The following DAB2IP variants were observed in gnomAD, a reference collection of about 807,000 sequenced individuals.
DAB2IP encodes the protein disabled homolog 2-interacting protein.
A neutral mutation model predicts 107.2 loss-of-function variants in DAB2IP; 28 were observed. That is an observed-to-expected ratio of 0.26 (90% CI 0.19 to 0.36). The LOEUF is 0.36. DAB2IP is among the 10% of genes least tolerant of loss of function. DAB2IP has a pLI of 1.00. For missense variants in DAB2IP, 1,400 were observed against 1,644.7 expected (o/e 0.85, Z 2.57); for synonymous variants, 755 against 706.4 (o/e 1.07, Z -1.09).
chr9:121,727,261 G>A (rs546230170), intron 3 of DAB2IP, among the ~76,000 whole-genome samples: 37 of 152,358 alleles, frequency 2.4e-4, no homozygotes, highest in African/African-American at 6.5e-4. Context: ...CACTGCCCGC[G>A]GTGAAGCTGC....
At chr9:121,679,822 G>T (rs1000522814) in intron 2 of DAB2IP, among the ~76,000 whole-genome samples, 1 of 151,904 alleles carries the variant, frequency 6.6e-6, no homozygotes, top group Non-Finnish European at 1.5e-5. Context: ...GCTGCATCTT[G>T]AAGGGTCCGT....
intron 1 of DAB2IP, among the ~76,000 whole-genome samples, chr9:121,645,795 C>T (rs571569511): frequency 3.9e-5 from 6 of 152,260 alleles, no homozygotes; most frequent in East Asian, 1.9e-4. Flanking sequence ...GACAGGCTGT[C>T]GACGTGTACG....
chr9:121,610,145 C>G (rs1831039419), intron 1 of DAB2IP, among the ~76,000 whole-genome samples: 1 of 152,152 alleles, frequency 6.6e-6, no homozygotes. Context: ...CTTGGGGAAG[C>G]TGCTGAGCCA....
At chr9:121,676,645 A>ACACACACTCACACACACACG (rs1224951820) in intron 1 of DAB2IP, among the ~76,000 whole-genome samples, 4 of 151,766 alleles carry the variant, frequency 2.6e-5, no homozygotes, top group Non-Finnish European at 5.9e-5. Context: ...GCACACACAC[A>ACACACACTCACACACACACG]CACACACTCA....
intron 1 of DAB2IP, among the ~76,000 whole-genome samples, chr9:121,653,231 AGTACTCCTTGGAGGGAGTACTAAG>A (rs1268492661): frequency 2.1e-5 from 1 of 47,914 alleles, no homozygotes; most frequent in African/African-American, 5.4e-5. Context: ...CTAAGCCTTT[AGTACTCCTTGGAGGGAGTACTAAG>A]CCTTTAGTAC....
chr9:121,735,801 C>A (rs902673137), intron 3 of DAB2IP, among the ~76,000 whole-genome samples: 2 of 152,190 alleles, frequency 1.3e-5, no homozygotes, highest in African/African-American at 4.8e-5. Context: ...GGCAAAAATA[C>A]CTGGTTGGCT....
At chr9:121,687,553 G>A (rs1223644963) in intron 2 of DAB2IP, among the ~76,000 whole-genome samples, 1 of 152,222 alleles carries the variant, frequency 6.6e-6, no homozygotes, top group Non-Finnish European at 1.5e-5. Flanking sequence ...GTGGTGGTCA[G>A]AGCTTGCACT....
chr9:121,621,002 C>T (rs1422072821), intron 1 of DAB2IP, among the ~76,000 whole-genome samples: 5 of 152,208 alleles, frequency 3.3e-5, no homozygotes, highest in Middle Eastern at 3.2e-3. Context: ...CCTGCTCCCC[C>T]AGGTCCCAAC....
At chr9:121,696,016 G>A (rs1190471291) in intron 2 of DAB2IP, among the ~76,000 whole-genome samples, 1 of 151,932 alleles carries the variant, frequency 6.6e-6, no homozygotes, top group East Asian at 1.9e-4. Flanking sequence ...TTACAGGCTC[G>A]TGCCACCACG....
Position 121,782,706 on chromosome 9 carries a change from C to T in DAB2IP, c.*208C>T, listed in dbSNP as rs1588027324. 2.1e-6 allele frequency: 3 copies of T among 1,416,718 alleles called. No individual in the cohort carries two copies. The highest frequency in any genetic ancestry group is 5.1e-5 in the East Asian group (2 of 38,914). 87.8% of individuals were successfully genotyped at this position (1,416,718 alleles called of 1,614,324 possible). On this transcript the variant is annotated 3_prime_UTR_variant, in exon 16 of 16. Coordinates refer to ENST00000408936, the Ensembl canonical transcript of DAB2IP. The surrounding 1 kb of genome is among the most constrained non-coding windows in gnomAD (Gnocchi z 6.1). ...GTGAGGCGAGGTCACCAGCCGCTCCCTGTGGGGTGCGGGCAGAAGAGACTG... is the reference window on the plus strand; with the variant it reads ...GTGAGGCGAGGTCACCAGCCGCTCCTTGTGGGGTGCGGGCAGAAGAGACTG...
intron 3 of DAB2IP, among the ~76,000 whole-genome samples, chr9:121,748,924 G>A (rs1054205349): frequency 6.6e-6 from 1 of 152,196 alleles, no homozygotes; most frequent in Non-Finnish European, 1.5e-5. Flanking sequence ...CGTTCTGTGT[G>A]TATGGGGGCG....
At chr9:121,726,732 T>A (rs1831255346) in intron 3 of DAB2IP, among the ~76,000 whole-genome samples, 1 of 152,220 alleles carries the variant, frequency 6.6e-6, no homozygotes, top group African/African-American at 2.4e-5. Flanking sequence ...GGAAGTATTC[T>A]GCTTTGTGAG....
intron 12 of DAB2IP, 125 bp downstream of exon 12, chr9:121,773,620 A>T: frequency 8.3e-7 from 1 of 1,210,012 alleles, no homozygotes; most frequent in South Asian, 3.1e-5. Context: ...ATCCCATCCC[A>T]CCAGCCTGCC....
At chr9:121,581,360 A>G (rs1830191186) in intron 1 of DAB2IP, among the ~76,000 whole-genome samples, 2 of 152,214 alleles carry the variant, frequency 1.3e-5, no homozygotes, top group African/African-American at 2.4e-5. Flanking sequence ...AGCCCAGTGC[A>G]TGCTCAACTT....
chr9:121,596,477 T>C (rs1027753272), intron 1 of DAB2IP, among the ~76,000 whole-genome samples: 11 of 152,202 alleles, frequency 7.2e-5, no homozygotes, highest in Non-Finnish European at 1.3e-4. Context: ...ATAGCGCCAC[T>C]GCACTCCATC....
intron 1 of DAB2IP, among the ~76,000 whole-genome samples, chr9:121,677,254 G>C (rs1589498692): frequency 6.6e-6 from 1 of 152,196 alleles, no homozygotes; most frequent in Non-Finnish European, 1.5e-5. Flanking sequence ...CATAGTGGCT[G>C]AGCCCTGTAA....
Position 121,782,681 on chromosome 9 carries a change from G to C in DAB2IP, c.*183G>C, listed in dbSNP as rs988106158. 2.8e-6 allele frequency: 4 copies of C among 1,429,704 alleles called. No individual in the cohort carries two copies. The African/African-American group carries it at 4.3e-5, about 15-fold the overall frequency. The allele number at this position is 1,429,704 out of a possible 1,614,324, so 88.6% of individuals were successfully genotyped here. A position where few individuals can be genotyped will look rare whatever the true frequency, so the allele number is the denominator to read the frequency against. On this transcript the variant is annotated 3_prime_UTR_variant, in exon 16 of 16. Transcript: ENST00000408936. The surrounding 1 kb of genome is among the most constrained non-coding windows in gnomAD (Gnocchi z 6.1). ...GGGAGCCACCAGAGACTGAAGCAGC[G>C]TGAGGCGAGGTCACCAGCCGCTCCC...
intron 1 of DAB2IP, among the ~76,000 whole-genome samples, chr9:121,602,680 A>G (rs1222268845): frequency 3.3e-5 from 5 of 152,022 alleles, no homozygotes; most frequent in African/African-American, 1.2e-4. Context: ...GGTTCACGCC[A>G]TTCTCCTGCC....
At chr9:121,773,712 T>A (rs1834953332) in intron 12 of DAB2IP, among the ~76,000 whole-genome samples, 1 of 151,988 alleles carries the variant, frequency 6.6e-6, no homozygotes, top group African/African-American at 2.4e-5. Flanking sequence ...AACTCCAGGC[T>A]CCTCTGTCAG....
Sources: gnomAD v4.1 joint callset for allele counts (sites outside exome capture counted in the v4.1 genomes callset) on GRCh38, gnomAD v4.1.1 for gene constraint, Gnocchi (gnomAD v3.1) non-coding constraint, MANE v1.5 for transcripts, NCBI Gene and HGNC (gene_info 2026-07-23, HGNC 2026-07-21) for gene names.